Variants in DCPS observed in about 807,000 individuals in gnomAD.
DCPS encodes the protein m7GpppX diphosphatase.
Under a neutral mutation model 34.7 loss-of-function variants are expected in DCPS, and 27 were observed. The ratio of observed to expected loss-of-function variants is 0.78; its 90% CI spans 0.57 to 1.07. DCPS has a LOEUF of 1.07. Among genes scored for constraint, DCPS ranks in the 50% least tolerant of loss-of-function variants. DCPS has a pLI of 0.00. For missense variants in DCPS, 464 were observed against 436.9 expected (o/e 1.06, Z -0.55); for synonymous variants, 185 against 185.7 (o/e 1.00, Z 0.03).
At chr11:126,306,531 T>C in intron 1 of DCPS, 39 bp from the exon 2 acceptor site, 1 of 1,554,160 alleles carries the variant, frequency 6.4e-7, no homozygotes, top group Non-Finnish European at 8.8e-7. Context: ...CTCATCGTGG[T>C]TCTGCCCTTG....
rs1281321686 is a variant in DCPS at position 126,313,421 on chromosome 11, G to C, written c.376+6677G>C. On this transcript the variant is annotated intron_variant, in intron 2 of 5. Transcript: ENST00000263579. This position sits in a 1 kb window ranked among gnomAD's most constrained non-coding sequence, Gnocchi z 4.9. ...TTGCTTGGTAGCATTGTTAATGATA[G>C]AACAAACTAGAAACAATCAAATAAC... Among the ~76,000 whole-genome samples the C allele has an allele frequency of 6.6e-6, 1 of 152,138 alleles. No homozygotes were observed. The highest frequency in any genetic ancestry group is 1.9e-4 in the East Asian group (1 of 5,190).
At position 126,320,628 on chromosome 11, in the gene DCPS, C is replaced by A. The variant is rs240560; in HGVS notation, c.377-10777C>A. On this transcript the variant is annotated intron_variant, in intron 2 of 5. Transcript: ENST00000263579. The surrounding 1 kb of genome is among the most constrained non-coding windows in gnomAD (Gnocchi z 4.7). ...GACCATCCTGGGCAACGTGGCAAAA[C>A]CCCATATCTACAAAAAATACAAAAA... is the stretch of plus-strand genomic sequence containing the variant. Among the ~76,000 whole-genome samples the A allele has an allele frequency of 0.2, 31,073 of 152,018 alleles. 4,056 individuals carry two copies. The highest frequency in any genetic ancestry group is 0.65 in the East Asian group (3,323 of 5,118).
intron 2 of DCPS, among the ~76,000 whole-genome samples, chr11:126,326,607 A>G (rs1216300265): frequency 3.3e-5 from 5 of 152,204 alleles, no homozygotes; most frequent in Non-Finnish European, 1.5e-5. Flanking sequence ...AGTTGTAAGA[A>G]TAGTACAAAG....
chr11:126,329,664 C>T lies in DCPS; in HGVS notation c.377-1741C>T, dbSNP rs911131959. 1.3e-5 allele frequency among the ~76,000 whole-genome samples: 2 copies of T among 152,214 alleles called. No individual in the cohort carries two copies. Among genetic ancestry groups the T allele is most frequent in the African/African-American group, 4.8e-5 (2 of 41,450 alleles). On this transcript the variant is annotated intron_variant, in intron 2 of 5. Coordinates refer to ENST00000263579, the MANE Select transcript of DCPS (RefSeq NM_014026.6). The surrounding 1 kb of genome is among the most constrained non-coding windows in gnomAD (Gnocchi z 5.0). The stretch of plus-strand genomic sequence containing the variant: ...CACTGGCTTTAGGGTGAGATGGCCT[C>T]AGTTCCAGGTTCGCCTCTGCCACGT...
Position 126,335,981 on chromosome 11 carries a change from C to T in DCPS, c.523-2305C>T, listed in dbSNP as rs542661595. 5.3e-5 allele frequency among the ~76,000 whole-genome samples: 8 copies of T among 151,634 alleles called. No individual in the cohort carries two copies. In the East Asian group the frequency reaches 5.8e-4, roughly 11 times the overall value. ...CTCTACTAAAAATATAAAAATTAGTCGGGTGTGGTGGTGGGCACCTATAAT... is the reference window on the plus strand; with the variant it reads ...CTCTACTAAAAATATAAAAATTAGTTGGGTGTGGTGGTGGGCACCTATAAT... On this transcript the variant is annotated intron_variant, in intron 3 of 5. Coordinates refer to ENST00000263579, the MANE Select transcript of DCPS (RefSeq NM_014026.6). This position sits in a 1 kb window ranked among gnomAD's most constrained non-coding sequence, Gnocchi z 4.8.
In DCPS at chr11:126,337,975, T is replaced by C. The variant is rs2135332879; in HGVS notation, c.523-311T>C. The C allele has an allele frequency of 2.9e-6, 1 of 345,908 alleles. No homozygotes were observed. The highest frequency in any genetic ancestry group is 5.5e-6 in the Non-Finnish European group (1 of 181,934). The allele number at this position is 345,908 out of a possible 1,614,324, so 21.4% of individuals were successfully genotyped here. A position where few individuals can be genotyped will look rare whatever the true frequency, so the allele number is the denominator to read the frequency against. On this transcript the variant is annotated intron_variant, in intron 3 of 5. Coordinates refer to ENST00000263579, the MANE Select transcript of DCPS (RefSeq NM_014026.6). The surrounding 1 kb of genome is among the most constrained non-coding windows in gnomAD (Gnocchi z 5.3). Reference sequence around the variant, plus strand: ...TATAGAGGGCAGACACAGCCTGGGTTTGGAGGCCTCCGCAGAGCATGTGCA... The same window carrying C: ...TATAGAGGGCAGACACAGCCTGGGTCTGGAGGCCTCCGCAGAGCATGTGCA...
At position 126,344,593 on chromosome 11, in the gene DCPS, A is replaced by G. The variant is rs1040546078; in HGVS notation, c.748-754A>G. Among the ~76,000 whole-genome samples, 12 of 152,156 alleles carry G rather than the reference A, an allele frequency of 7.9e-5. No homozygotes were observed. The highest frequency in any genetic ancestry group is 7.2e-4 in the Admixed American group (11 of 15,276). On this transcript the variant is annotated intron_variant, in intron 5 of 5. Coordinates refer to ENST00000263579, the MANE Select transcript of DCPS (RefSeq NM_014026.6). This position sits in a 1 kb window ranked among gnomAD's most constrained non-coding sequence, Gnocchi z 8.1. ...TATATACTGAGCCCACTGAGGCCCTAGTACTTTTCTCTTCACCTCTGACCA... is the reference window on the plus strand; with the variant it reads ...TATATACTGAGCCCACTGAGGCCCTGGTACTTTTCTCTTCACCTCTGACCA...
Position 126,345,742 on chromosome 11 carries a change from C to A in DCPS, c.*129C>A. Reference sequence around the variant, plus strand: ...TTATTCCTAGTATTGAATAAACTAGCGGGCTCACTCAGTGTGGACAGCGTG... The same window carrying A: ...TTATTCCTAGTATTGAATAAACTAGAGGGCTCACTCAGTGTGGACAGCGTG... On this transcript the variant is annotated 3_prime_UTR_variant, in exon 6 of 6. Transcript: ENST00000263579. This position sits in a 1 kb window ranked among gnomAD's most constrained non-coding sequence, Gnocchi z 7.4. 1 of 1,386,168 alleles carries A rather than the reference C, an allele frequency of 7.2e-7. No homozygotes were observed. Among genetic ancestry groups the A allele is most frequent in the Non-Finnish European group, 9.7e-7 (1 of 1,032,686 alleles). 85.9% of individuals were successfully genotyped at this position (1,386,168 alleles called of 1,614,324 possible).
intron 4 of DCPS, among the ~76,000 whole-genome samples, chr11:126,339,602 C>A (rs765865630): frequency 2.0e-5 from 3 of 152,184 alleles, no homozygotes; most frequent in Non-Finnish European, 4.4e-5. Flanking sequence ...CAGCATTGAT[C>A]GATGATTCCC....
At chr11:126,304,764 G>C (rs894440114) in intron 1 of DCPS, among the ~76,000 whole-genome samples, 1 of 152,222 alleles carries the variant, frequency 6.6e-6, no homozygotes, top group East Asian at 1.9e-4. Flanking sequence ...ATGCATGCCA[G>C]ACACTAAACT....
chr11:126,348,811 C>T lies in DCPS; in HGVS notation c.*3198C>T, dbSNP rs1328149483. Reference sequence around the variant, plus strand: ...GACACTACCTGGCTCAGCAAACCAACCTTTGAGACAAAGCAACATTATAAC... The same window carrying T: ...GACACTACCTGGCTCAGCAAACCAATCTTTGAGACAAAGCAACATTATAAC... On this transcript the variant is annotated 3_prime_UTR_variant, in exon 6 of 6. Transcript: ENST00000263579. This position sits in a 1 kb window ranked among gnomAD's most constrained non-coding sequence, Gnocchi z 5.3. Among the ~76,000 whole-genome samples, 1 of 152,198 alleles carries T rather than the reference C, an allele frequency of 6.6e-6. No individual in the cohort carries two copies. Among genetic ancestry groups the T allele is most frequent in the Non-Finnish European group, 1.5e-5 (1 of 68,036 alleles).
In DCPS at chr11:126,332,349, C is replaced by T. The variant is rs1951800309; in HGVS notation, c.522+799C>T. On this transcript the variant is annotated intron_variant, in intron 3 of 5. Coordinates refer to ENST00000263579, the MANE Select transcript of DCPS (RefSeq NM_014026.6). The surrounding 1 kb of genome is among the most constrained non-coding windows in gnomAD (Gnocchi z 5.4). ...CGCCAACTGGAGCCTCTGCCTGGAA[C>T]TGGCCCCATGTGAGTACTCAGAGTT... 6.6e-6 allele frequency among the ~76,000 whole-genome samples: 1 copy of T among 152,250 alleles called. No homozygotes were observed. Among genetic ancestry groups the T allele is most frequent in the South Asian group, 2.1e-4 (1 of 4,838 alleles).
rs1369807765 is a variant in DCPS, at chr11:126,312,436, T to G, written c.376+5692T>G. 9.9e-5 allele frequency among the ~76,000 whole-genome samples: 15 copies of G among 152,032 alleles called. No homozygotes were observed. Among genetic ancestry groups the G allele is most frequent in the Non-Finnish European group, 1.3e-4 (9 of 68,000 alleles). On this transcript the variant is annotated intron_variant, in intron 2 of 5. Coordinates refer to ENST00000263579, the MANE Select transcript of DCPS (RefSeq NM_014026.6). The surrounding 1 kb of genome is among the most constrained non-coding windows in gnomAD (Gnocchi z 5.1). ...TCACTGCAACCTCCACCTCCCGGGT[T>G]CAAGCCATTCTCCTGCCTCAGCCTC...
At chr11:126,306,479 G>A in intron 1 of DCPS, 91 bp from the exon 2 acceptor site, 2 of 1,347,314 alleles carry the variant, frequency 1.5e-6, no homozygotes, top group Non-Finnish European at 2.0e-6. Flanking sequence ...CAAGTATTGG[G>A]AATTCAAAGG....
rs1951899729 is a variant in DCPS, at chr11:126,344,250, G to C, written c.747+833G>C. On this transcript the variant is annotated intron_variant, in intron 5 of 5. Coordinates refer to ENST00000263579, the MANE Select transcript of DCPS (RefSeq NM_014026.6). This position sits in a 1 kb window ranked among gnomAD's most constrained non-coding sequence, Gnocchi z 8.1. ...GGAGGCAAGGCTCTGCCCATACCCA[G>C]CTTCCCCTGCTGCTGGGCCCCGATC... is the stretch of plus-strand genomic sequence containing the variant. 6.6e-6 allele frequency among the ~76,000 whole-genome samples: 1 copy of C among 152,160 alleles called. No homozygotes were observed. Among genetic ancestry groups the C allele is most frequent in the Admixed American group, 6.5e-5 (1 of 15,284 alleles).
In DCPS at chr11:126,347,662, CCTT is replaced by C. The variant is rs939138588; in HGVS notation, c.*2053_*2055del. Among the ~76,000 whole-genome samples the C allele has an allele frequency of 4.6e-5, 7 of 152,318 alleles. No individual in the cohort carries two copies. The highest frequency in any genetic ancestry group is 1.7e-4 in the African/African-American group (7 of 41,554). ...ATGGCCACCACACATCTGACTGACT[CCTT>C]CTTGGGCTAAGCAAATACTTTTGTG... On this transcript the variant is annotated 3_prime_UTR_variant, in exon 6 of 6. Transcript: ENST00000263579. The surrounding 1 kb of genome is among the most constrained non-coding windows in gnomAD (Gnocchi z 4.2).
At chr11:126,307,556 G>A (rs535754562) in intron 2 of DCPS, among the ~76,000 whole-genome samples, 89 of 151,846 alleles carry the variant, frequency 5.9e-4, no homozygotes, top group East Asian at 3.7e-3. Flanking sequence ...GATTACAGGC[G>A]CCCACCACCA....
In DCPS at chr11:126,315,552, C is replaced by A. The variant is rs1019017659; in HGVS notation, c.376+8808C>A. Among the ~76,000 whole-genome samples, 5 of 151,710 alleles carry A rather than the reference C, an allele frequency of 3.3e-5. No homozygotes were observed. Among genetic ancestry groups the A allele is most frequent in the Admixed American group, 1.3e-4 (2 of 15,198 alleles). ...TCCAACCTGGGTGGCAGAGCAAAAC[C>A]CTGTCTCTTAAAAAAAAATAAAAAG... On this transcript the variant is annotated intron_variant, in intron 2 of 5. Coordinates refer to ENST00000263579, the MANE Select transcript of DCPS (RefSeq NM_014026.6). The surrounding 1 kb of genome is among the most constrained non-coding windows in gnomAD (Gnocchi z 6.1).
chr11:126,334,008 G>C lies in DCPS; in HGVS notation c.522+2458G>C, dbSNP rs1275564133. ...GATTTGCAGAATTAATTGGTGGAGT[G>C]GGGGTGAGCATAGAACAGGAAGACT... On this transcript the variant is annotated intron_variant, in intron 3 of 5. Transcript: ENST00000263579. This position sits in a 1 kb window ranked among gnomAD's most constrained non-coding sequence, Gnocchi z 5.5. Among the ~76,000 whole-genome samples, 3 of 152,140 alleles carry C rather than the reference G, an allele frequency of 2.0e-5. No homozygotes were observed. The highest frequency in any genetic ancestry group is 2.9e-5 in the Non-Finnish European group (2 of 68,024).
Sources: gnomAD v4.1 joint callset for allele counts (sites outside exome capture counted in the v4.1 genomes callset) on GRCh38, gnomAD v4.1.1 for gene constraint, Gnocchi (gnomAD v3.1) non-coding constraint, MANE v1.5 for transcripts, NCBI Gene and HGNC (gene_info 2026-07-23, HGNC 2026-07-21) for gene names.